BCKDHB: variants seen among roughly 807,000 people sequenced by gnomAD.
BCKDHB encodes branched chain keto acid dehydrogenase E1 subunit beta.
A neutral mutation model predicts 48.5 loss-of-function variants in BCKDHB; 41 were observed. The observed-to-expected ratio is 0.85, with a 90% CI of 0.66 to 1.10. The LOEUF is 1.10. Ranked by LOEUF, BCKDHB falls within the 50% of genes least tolerant of loss-of-function variation. The pLI, the probability that BCKDHB is intolerant of heterozygous loss-of-function variation, is 0.00. For synonymous variants in BCKDHB, 201 were observed against 174.8 expected (o/e 1.15, Z -1.18); for missense variants, 496 against 494.2 (o/e 1.00, Z -0.03).
chr6:80,437,639 A>T, the BCKDHB span, among the ~76,000 whole-genome samples: 1 of 152,152 alleles, frequency 6.6e-6, no homozygotes, highest in Non-Finnish European at 1.5e-5. Context: ...TTTTATTTAA[A>T]TTTCTTTCTG....
intron 8 of BCKDHB, among the ~76,000 whole-genome samples, chr6:80,243,216 G>A (rs1776462880): frequency 6.6e-6 from 1 of 152,122 alleles, no homozygotes; most frequent in Non-Finnish European, 1.5e-5. Flanking sequence ...ATGCTACTGA[G>A]CCAGCTCATT....
intron 8 of BCKDHB, among the ~76,000 whole-genome samples, chr6:80,220,052 T>C (rs1775343476): frequency 6.6e-6 from 1 of 152,156 alleles, no homozygotes; most frequent in East Asian, 1.9e-4. Flanking sequence ...GGGAATGGCC[T>C]ACATATTTAA....
At chr6:80,128,993 T>C (rs1452872076) in intron 2 of BCKDHB, among the ~76,000 whole-genome samples, 168 bp from the exon 3 acceptor site, 1 of 152,082 alleles carries the variant, frequency 6.6e-6, no homozygotes, top group Non-Finnish European at 1.5e-5. Flanking sequence ...AAAAGAATCA[T>C]CTAGTCTAAA....
chr6:80,357,633 A>G, the BCKDHB span, among the ~76,000 whole-genome samples: 8 of 152,234 alleles, frequency 5.3e-5, no homozygotes, highest in Admixed American at 1.3e-4. Context: ...TCGACCTTGA[A>G]GCTGCTGAAA....
chr6:80,281,575 A>T (rs1323564001), intron 9 of BCKDHB, among the ~76,000 whole-genome samples: 2 of 152,208 alleles, frequency 1.3e-5, no homozygotes, highest in East Asian at 3.9e-4. Flanking sequence ...GAACCGATGA[A>T]TATAGACTAC....
At chr6:80,373,758 G>A in the BCKDHB span, among the ~76,000 whole-genome samples, 1 of 152,076 alleles carries the variant, frequency 6.6e-6, no homozygotes, top group Non-Finnish European at 1.5e-5. Flanking sequence ...ATTATGTAAT[G>A]TGCCTCTTTG....
intron 9 of BCKDHB, among the ~76,000 whole-genome samples, chr6:80,327,056 T>TA (rs1170114967): frequency 4.6e-5 from 7 of 151,748 alleles, no homozygotes; most frequent in South Asian, 2.1e-4. Flanking sequence ...GCCTATGTTT[T>TA]AAAAAAAAAT....
intron 9 of BCKDHB, among the ~76,000 whole-genome samples, chr6:80,297,914 A>C (rs1280748392): frequency 6.6e-6 from 1 of 152,178 alleles, no homozygotes; most frequent in Non-Finnish European, 1.5e-5. Flanking sequence ...CAGAGCCTTA[A>C]ATTTTGAGAG....
intron 7 of BCKDHB, among the ~76,000 whole-genome samples, chr6:80,201,916 C>T (rs949111255): frequency 1.3e-5 from 2 of 152,116 alleles, no homozygotes; most frequent in Non-Finnish European, 2.9e-5. Context: ...TCACAAGCTC[C>T]TACTCTCCTT....
intron 8 of BCKDHB, among the ~76,000 whole-genome samples, chr6:80,245,472 T>C (rs1182302863): frequency 6.6e-6 from 1 of 152,202 alleles, no homozygotes; most frequent in African/African-American, 2.4e-5. Flanking sequence ...CCTTCCTTGC[T>C]GGACCTAACA....
intron 8 of BCKDHB, among the ~76,000 whole-genome samples, chr6:80,244,876 T>C (rs1271064073): frequency 6.6e-6 from 1 of 152,204 alleles, no homozygotes; most frequent in Non-Finnish European, 1.5e-5. Context: ...TAAAATATGC[T>C]GACCAAAGGC....
At chr6:80,375,181 A>G in the BCKDHB span, among the ~76,000 whole-genome samples, 1 of 152,082 alleles carries the variant, frequency 6.6e-6, no homozygotes, top group South Asian at 2.1e-4. Flanking sequence ...AGCTTCTTGG[A>G]TTTGAATGTT....
At chr6:80,273,273 A>G in intron 9 of BCKDHB, 52 bp downstream of exon 9, 1 of 1,400,680 alleles carries the variant, frequency 7.1e-7, no homozygotes, top group African/African-American at 1.4e-5. Flanking sequence ...CCACATGCCA[A>G]TTCCAGAAGA....
chr6:80,379,938 G>T, the BCKDHB span, among the ~76,000 whole-genome samples: 41 of 151,804 alleles, frequency 2.7e-4, no homozygotes, highest in Non-Finnish European at 4.3e-4. Context: ...ATTGTAGCTG[G>T]CCCAATAAAA....
chr6:80,205,886 G>A (rs146015748), intron 8 of BCKDHB, among the ~76,000 whole-genome samples: 2 of 150,872 alleles, frequency 1.3e-5, no homozygotes, highest in African/African-American at 4.9e-5. Flanking sequence ...GCCCTGAAAT[G>A]AGTGGCATGT....
downstream of BCKDHB, among the ~76,000 whole-genome samples, chr6:80,347,039 G>A (rs1019442308): frequency 6.6e-6 from 1 of 151,632 alleles, no homozygotes; most frequent in Non-Finnish European, 1.5e-5. Context: ...AACTACAATT[G>A]TATGTGTCCC....
chr6:80,299,529 C>G (rs543075053), intron 9 of BCKDHB, among the ~76,000 whole-genome samples: 28 of 152,154 alleles, frequency 1.8e-4, no homozygotes, highest in Admixed American at 5.2e-4. Context: ...TGAGGTGAGT[C>G]CATAAAGTGA....
At chr6:80,284,684 T>G (rs943381702) in intron 9 of BCKDHB, among the ~76,000 whole-genome samples, 4 of 152,186 alleles carry the variant, frequency 2.6e-5, no homozygotes, top group Admixed American at 1.3e-4. Context: ...GGGATCTAAA[T>G]ATTTATGTTT....
intron 9 of BCKDHB, among the ~76,000 whole-genome samples, chr6:80,301,691 GAC>G (rs1767592621): frequency 6.6e-6 from 1 of 152,014 alleles, no homozygotes; most frequent in Non-Finnish European, 1.5e-5. Flanking sequence ...ATCTCGCAGA[GAC>G]ACAACAACAA....
Sources: gnomAD v4.1 joint callset for allele counts (sites outside exome capture counted in the v4.1 genomes callset) on GRCh38, gnomAD v4.1.1 for gene constraint, MANE v1.5 for transcripts, NCBI Gene and HGNC (gene_info 2026-07-23, HGNC 2026-07-21) for gene names.